Variants in COPG1 observed in about 807,000 individuals in gnomAD.
COPG1 encodes coatomer subunit gamma-1.
Under a neutral mutation model 102.8 loss-of-function variants are expected in COPG1, and 29 were observed. That is an observed-to-expected ratio of 0.28 (90% CI 0.21 to 0.38). COPG1 has a LOEUF of 0.38. Ranked by LOEUF, COPG1 falls within the 10% of genes least tolerant of loss-of-function variation. COPG1 has a pLI of 1.00. For missense variants in COPG1, 875 were observed against 1,132.7 expected, an observed-to-expected ratio of 0.77 and a Z score of 3.27; for synonymous variants, 406 against 421.6, an observed-to-expected ratio of 0.96 and a Z score of 0.45.
At chr3:129,266,933 C>A in intron 14 of COPG1, 91 bp from the exon 15 acceptor site, 2 of 1,112,856 alleles carry the variant, frequency 1.8e-6, no homozygotes, top group Non-Finnish European at 2.7e-6. Flanking sequence ...TGGGGCTCTT[C>A]TGCCTGAAGA....
intron 18 of COPG1, among the ~76,000 whole-genome samples, chr3:129,269,228 C>T (rs551433129): frequency 6.6e-5 from 10 of 152,214 alleles, no homozygotes; most frequent in Non-Finnish European, 8.8e-5. Context: ...ATTAAGGTCC[C>T]GATCAAACTG....
At chr3:129,254,410 A>G (rs1051057871) in intron 5 of COPG1, 8 of 445,570 alleles carry the variant, frequency 1.8e-5, no homozygotes, top group Admixed American at 7.5e-5. Context: ...GGGAAGTTCA[A>G]GGAGTTACAT....
chr3:129,267,795 C>T (rs757488728), intron 15 of COPG1, 142 bp from the exon 16 acceptor site: 5 of 636,658 alleles, frequency 7.9e-6, no homozygotes, highest in South Asian at 5.5e-5. Flanking sequence ...TGTGGCCTCT[C>T]CTCACTCCCT....
At chr3:129,269,797 T>C (rs75807782) in intron 18 of COPG1, among the ~76,000 whole-genome samples, 2,672 of 152,148 alleles carry the variant, frequency 0.018, 76 homozygotes, top group East Asian at 0.11. Flanking sequence ...CTATTGCTGC[T>C]GTAACACGTT....
rs1217859950 is a variant in COPG1, at chr3:129,249,754, G to C, written c.37+8G>C. The C allele has an allele frequency of 1.3e-6, 2 of 1,551,276 alleles. No individual in the cohort carries two copies. Among genetic ancestry groups the C allele is most frequent in the South Asian group, 1.2e-5 (1 of 83,988 alleles). ...AGAAGGATGAGGAGTCAGGTGAGGG[G>C]GCCAGGCCTGGGTCTGAGGGAGGCC... On this transcript the variant is annotated splice_region_variant and intron_variant, in intron 1 of 23. Coordinates refer to ENST00000314797, the MANE Select transcript of COPG1 (RefSeq NM_016128.4).
Position 129,260,822 on chromosome 3 carries a change from C to A in COPG1, c.1128+15C>A. ...ATGAATTCAAGGTACCTGCTACCCC[C>A]AGGACACCCACGGCCCCCAGAGGAA... is the stretch of plus-strand genomic sequence containing the variant. On this transcript the variant is annotated intron_variant, in intron 12 of 23. Transcript: ENST00000314797. 1 of 1,610,746 alleles carries A rather than the reference C, an allele frequency of 6.2e-7. No homozygotes were observed. The highest frequency in any genetic ancestry group is 8.5e-7 in the Non-Finnish European group (1 of 1,179,038).
intron 19 of COPG1, 101 bp from the exon 20 acceptor site, chr3:129,272,143 C>A: frequency 1.7e-6 from 2 of 1,180,356 alleles, no homozygotes; most frequent in Non-Finnish European, 2.4e-6. Flanking sequence ...GGATGGGAAT[C>A]ACCTTGGTCA....
intron 21 of COPG1, chr3:129,274,034 C>T (rs1940224905): frequency 2.2e-6 from 1 of 455,956 alleles, no homozygotes; most frequent in Admixed American, 2.3e-5. Flanking sequence ...CAGTGGAATA[C>T]AACTGACATT....
Position 129,260,268 on chromosome 3 carries a change from C to A in COPG1, c.872-65C>A, listed in dbSNP as rs563072762. On this transcript the variant is annotated intron_variant, in intron 10 of 23. Coordinates refer to ENST00000314797, the MANE Select transcript of COPG1 (RefSeq NM_016128.4). ...CAGAGGGTTTGAGTCAGAACAGTAG[C>A]CCCCGGTTTTCCCAGCTGCCCAGCA... 1.4e-4 allele frequency: 198 copies of A among 1,432,754 alleles called. 1 individual carries two copies. The highest frequency in any genetic ancestry group is 1.8e-4 in the Non-Finnish European group (180 of 1,020,326). The allele number at this position is 1,432,754 out of a possible 1,614,324, so 88.8% of individuals were successfully genotyped here.
intron 15 of COPG1, 71 bp downstream of exon 15, chr3:129,267,170 ATT>A: frequency 8.9e-7 from 1 of 1,129,772 alleles, no homozygotes; most frequent in Non-Finnish European, 1.3e-6. Flanking sequence ...CTTTGTCTTT[ATT>A]TTTTTTTAAC....
intron 21 of COPG1, among the ~76,000 whole-genome samples, chr3:129,273,781 C>T (rs545512858): frequency 2.1e-4 from 32 of 152,134 alleles, no homozygotes; most frequent in Non-Finnish European, 4.1e-4. Context: ...GATTTTAAGA[C>T]ATTTTGATTC....
intron 16 of COPG1, 108 bp downstream of exon 16, chr3:129,268,148 C>A: frequency 1.1e-6 from 1 of 936,650 alleles, no homozygotes; most frequent in Non-Finnish European, 1.7e-6. Flanking sequence ...GCTGGACTTG[C>A]CTGGCAACCT....
In COPG1 at chr3:129,260,323, C is replaced by A; in HGVS notation, c.872-10C>A. 4 of 1,613,702 alleles carry A rather than the reference C, an allele frequency of 2.5e-6. No homozygotes were observed. The highest frequency in any genetic ancestry group is 3.4e-6 in the Non-Finnish European group (4 of 1,179,700). On this transcript the variant is annotated splice_polypyrimidine_tract_variant and intron_variant, in intron 10 of 23. Coordinates refer to ENST00000314797, the MANE Select transcript of COPG1 (RefSeq NM_016128.4). ...AGGCAACCTGACATGTGGCATCCAT[C>A]TCCCCACAGTGCTCCAGCTTTTCTG...
Position 129,265,712 on chromosome 3 carries a change from G to T in COPG1, c.1388G>T (p.Gly463Val). ...TRILHLLGQE[G>V]PKTTNPSKYI... Reference sequence around the variant, plus strand: ...ATTCTACATCTCCTGGGCCAGGAGGGGCCCAAGACCACCAATCCCTCAAAG... The same window carrying T: ...ATTCTACATCTCCTGGGCCAGGAGGTGCCCAAGACCACCAATCCCTCAAAG... The change falls in exon 14 of 24, where the codon GGG becomes GTG. Residue 463 changes from glycine to valine, a missense_variant. Coordinates refer to ENST00000314797, the MANE Select transcript of COPG1 (RefSeq NM_016128.4). 1 of 1,614,128 alleles carries T rather than the reference G, an allele frequency of 6.2e-7. No individual in the cohort carries two copies. Among genetic ancestry groups the T allele is most frequent in the Non-Finnish European group, 8.5e-7 (1 of 1,180,012 alleles).
In COPG1 at chr3:129,249,688, A is replaced by T; in HGVS notation, c.-22A>T. On this transcript the variant is annotated 5_prime_UTR_variant, in exon 1 of 24. Transcript: ENST00000314797. ...CGCCCGTCGAGCATTGCGTTGCTGC[A>T]TTGCGCCCCACCGACTCCACTATGT... is the stretch of plus-strand genomic sequence containing the variant. The T allele has an allele frequency of 1.3e-6, 2 of 1,551,144 alleles. No individual in the cohort carries two copies. The highest frequency in any genetic ancestry group is 1.2e-5 in the South Asian group (1 of 83,988).
rs4927951 is a variant in COPG1 at position 129,257,897 on chromosome 3, A to G, written c.871+37A>G. The G allele has an allele frequency of 0.013, 20,834 of 1,604,962 alleles. 1,965 individuals carry two copies. The African/African-American group carries it at 0.23, about 17-fold the overall frequency. ...TTCCTTCACCCAGCCTCACATGTTT[A>G]TGCTTGCTGGGAACTAGGCCTGGGT... On this transcript the variant is annotated intron_variant, in intron 10 of 23. Transcript: ENST00000314797.
chr3:129,258,334 T>G (rs1939857456), intron 10 of COPG1, among the ~76,000 whole-genome samples: 1 of 152,268 alleles, frequency 6.6e-6, no homozygotes, highest in African/African-American at 2.4e-5. Flanking sequence ...CTCCATGCCT[T>G]CCTTTTCTTT....
intron 8 of COPG1, 109 bp from the exon 9 acceptor site, chr3:129,257,361 A>G: frequency 1.7e-6 from 2 of 1,143,298 alleles, no homozygotes; most frequent in Non-Finnish European, 2.6e-6. Context: ...GGTAGCTGCT[A>G]CTGTGCCCAT....
chr3:129,254,822 T>G, intron 6 of COPG1, 79 bp downstream of exon 6: 1 of 1,385,378 alleles, frequency 7.2e-7, no homozygotes, highest in East Asian at 2.3e-5. Context: ...CTTTGGGGTG[T>G]CCCCTATCAC....
Sources: gnomAD v4.1 joint callset for allele counts (sites outside exome capture counted in the v4.1 genomes callset) on GRCh38, gnomAD v4.1.1 for gene constraint, MANE v1.5 for transcripts, NCBI Gene and HGNC (gene_info 2026-07-23, HGNC 2026-07-21) for gene names.